The following ZBTB38 variants were observed in gnomAD, a reference collection of about 807,000 sequenced individuals.
ZBTB38 encodes zinc finger and BTB domain-containing protein 38.
In ZBTB38, 20 loss-of-function variants were observed where a neutral mutation model predicts 76.8. The observed-to-expected ratio is 0.26, with a 90% confidence interval of 0.18 to 0.38. The LOEUF is 0.38. ZBTB38 is among the 10% of genes least tolerant of loss of function. The pLI is 1.00. For synonymous variants in ZBTB38, 504 were observed against 544.2 expected, an observed-to-expected ratio of 0.93 and a Z score of 1.03; for missense variants, 1,082 against 1,482.3, an observed-to-expected ratio of 0.73 and a Z score of 4.43.
rs2080870679 is a variant in ZBTB38 at position 141,444,787 on chromosome 3, G to A, written c.2399G>A (p.Gly800Glu). ...TCAAACTATGTTGCTGATCCTGGAG[G>A]ATCACTGAGCAAAACCACAAATATT... ...EESNYVADPG[G>E]SLSKTTNIAE... The change falls in exon 6 of 6, where the codon GGA (glycine) becomes GAA (glutamate). Residue 800 changes from glycine to glutamate, a missense_variant. By Grantham distance (98) the Gly-to-Glu change is moderately conservative (BLOSUM62 -2). Coordinates refer to ENST00000321464, the MANE Select transcript of ZBTB38 (RefSeq NM_001376113.1). This position sits in a 1 kb window ranked among gnomAD's most constrained non-coding sequence, Gnocchi z 5.1. 6.2e-7 allele frequency: 1 copy of A among 1,614,122 alleles called. No individual in the cohort carries two copies. The highest frequency in any genetic ancestry group is 2.2e-5 in the East Asian group (1 of 44,886).
At chr3:141,403,148 G>A (rs995032384) in intron 4 of ZBTB38, 1 of 152,150 alleles carries the variant, frequency 6.6e-6, no homozygotes. Flanking sequence ...CCTGCACTGC[G>A]GTAGGTAAGT....
intron 2 of ZBTB38, among the ~76,000 whole-genome samples, chr3:141,379,254 C>A (rs1382120065): frequency 1.3e-5 from 2 of 152,176 alleles, no homozygotes; most frequent in Non-Finnish European, 2.9e-5. Flanking sequence ...AGGCCATGGG[C>A]ATTTAGGTCA....
chr3:141,327,218 GT>G (rs1420961464), intron 1 of ZBTB38, among the ~76,000 whole-genome samples: 1 of 152,162 alleles, frequency 6.6e-6, no homozygotes, highest in African/African-American at 2.4e-5. Flanking sequence ...CCTCAAGAAG[GT>G]GGGGCATAAC....
At chr3:141,351,657 T>C (rs1559917047) in intron 1 of ZBTB38, among the ~76,000 whole-genome samples, 1 of 147,960 alleles carries the variant, frequency 6.8e-6, no homozygotes, top group Non-Finnish European at 1.5e-5. Flanking sequence ...TACTTGAGCC[T>C]GGGAGTTAGC....
chr3:141,444,624 G>C lies in ZBTB38; in HGVS notation c.2236G>C (p.Asp746His). Residue 746 changes from aspartate (D) to histidine (H), a missense_variant, in exon 6 of 6, where the codon GAC becomes CAC. By Grantham distance (81) the Asp-to-His change is moderately conservative. Around this residue, in one of 8 missense-constraint regions of ZBTB38, gnomAD observed 471 missense variants for 581.0 expected, o/e 0.81. Transcript: ENST00000321464. The surrounding 1 kb of genome is among the most constrained non-coding windows in gnomAD (Gnocchi z 5.1). The part of the protein sequence containing the change: ...MTSSNHRAFS[D>H]PAVSQSLKDD... ...CAGCAGCAACCACAGAGCCTTTTCAGACCCAGCTGTCAGTCAGTCCCTGAA... is the reference window on the plus strand; with the variant it reads ...CAGCAGCAACCACAGAGCCTTTTCACACCCAGCTGTCAGTCAGTCCCTGAA... The C allele has an allele frequency of 6.2e-7, 1 of 1,614,158 alleles. No individual in the cohort carries two copies. Among genetic ancestry groups the C allele is most frequent in the Non-Finnish European group, 8.5e-7 (1 of 1,180,022 alleles).
At chr3:141,350,545 C>G (rs906407564) in intron 1 of ZBTB38, among the ~76,000 whole-genome samples, 6 of 152,188 alleles carry the variant, frequency 3.9e-5, no homozygotes, top group Non-Finnish European at 8.8e-5. Context: ...TCTGGGTCTT[C>G]ACTGGATTAA....
chr3:141,434,924 G>C (rs1298880788), intron 5 of ZBTB38, among the ~76,000 whole-genome samples: 1 of 151,982 alleles, frequency 6.6e-6, no homozygotes, highest in East Asian at 1.9e-4. Flanking sequence ...CTTGAGCCCA[G>C]GATTTGAGAC....
chr3:141,390,556 C>A (rs780092262), intron 4 of ZBTB38, among the ~76,000 whole-genome samples: 2 of 152,210 alleles, frequency 1.3e-5, no homozygotes, highest in Non-Finnish European at 2.9e-5. Context: ...CAGACTATGA[C>A]TTAGAGCCTC....
intron 4 of ZBTB38, chr3:141,390,051 G>A (rs553507904): frequency 9.2e-5 from 14 of 152,158 alleles, no homozygotes; most frequent in African/African-American, 2.2e-4. Context: ...TCGTACCATC[G>A]TCATTCTAAT....
Position 141,442,933 on chromosome 3 carries a change from C to T in ZBTB38, c.545C>T (p.Pro182Leu), listed in dbSNP as rs752372934. The T allele has an allele frequency of 1.3e-5, 21 of 1,614,078 alleles. No homozygotes were observed. In the East Asian group the frequency reaches 3.8e-4, roughly 29 times the overall value. The change falls in exon 6 of 6, where the codon CCG becomes CTG. Residue 182 changes from proline to leucine, a missense_variant. Transcript: ENST00000321464. The surrounding 1 kb of genome is among the most constrained non-coding windows in gnomAD (Gnocchi z 6.4). ...ETENSNNMFS[P>L]LDLRASFKKV... The stretch of plus-strand genomic sequence containing the variant: ...GAAAATAGTAATAACATGTTTTCCC[C>T]GCTGGACTTGAGGGCAAGTTTCAAA...
At chr3:141,426,134 C>A (rs1430664680) in intron 5 of ZBTB38, 10 of 1,289,244 alleles carry the variant, frequency 7.8e-6, no homozygotes, top group Non-Finnish European at 1.0e-5. Context: ...GACAGGCTGC[C>A]CAGAGGGGCT....
intron 1 of ZBTB38, 87 bp downstream of exon 1, chr3:141,368,891 CA>C (rs1410635315): frequency 6.7e-6 from 1 of 150,264 alleles, no homozygotes; most frequent in African/African-American, 2.4e-5. Flanking sequence ...TACAGCTTGC[CA>C]AGCCCCAGCC....
chr3:141,441,773 G>A (rs781570125), intron 5 of ZBTB38, among the ~76,000 whole-genome samples: 15 of 152,058 alleles, frequency 9.9e-5, no homozygotes, highest in African/African-American at 2.7e-4. Flanking sequence ...AAAATTAGCC[G>A]GGCGTGGTGG....
At chr3:141,399,866 T>C (rs1462654887) in intron 4 of ZBTB38, among the ~76,000 whole-genome samples, 5 of 151,754 alleles carry the variant, frequency 3.3e-5, no homozygotes, top group Non-Finnish European at 7.4e-5. Flanking sequence ...ATTAAATGAA[T>C]GAGGTAGGAA....
chr3:141,410,717 T>C (rs562124520), intron 5 of ZBTB38, among the ~76,000 whole-genome samples: 1 of 152,352 alleles, frequency 6.6e-6, no homozygotes, highest in East Asian at 1.9e-4. Flanking sequence ...ATTTTTGACC[T>C]GGGAGAGACA....
At chr3:141,396,623 C>T (rs1950402997) in intron 4 of ZBTB38, 2 of 174,386 alleles carry the variant, frequency 1.1e-5, no homozygotes, top group Non-Finnish European at 2.4e-5. Context: ...AGAGCAATCA[C>T]TGTCTATGGC....
intron 4 of ZBTB38, among the ~76,000 whole-genome samples, chr3:141,398,229 A>C (rs1950810824): frequency 6.6e-6 from 1 of 152,240 alleles, no homozygotes. Context: ...CCTATTGGCC[A>C]GATTCAGTCC....
rs373983965 is a variant in ZBTB38, at chr3:141,442,723, A to G, written c.335A>G (p.Lys112Arg). ...ETVTDLAAAG[K>R]KLGISFLEDL... Reference sequence around the variant, plus strand: ...GTCACTGATCTCGCAGCTGCAGGAAAAAAGCTGGGAATATCGTTCTTGGAA... The same window carrying G: ...GTCACTGATCTCGCAGCTGCAGGAAGAAAGCTGGGAATATCGTTCTTGGAA... Residue 112 changes from lysine to arginine, a missense_variant, in exon 6 of 6, where the codon AAA becomes AGA. Transcript: ENST00000321464. The surrounding 1 kb of genome is among the most constrained non-coding windows in gnomAD (Gnocchi z 6.4). The G allele has an allele frequency of 6.3e-5, 102 of 1,614,086 alleles. No individual in the cohort carries two copies. The highest frequency in any genetic ancestry group is 8.4e-5 in the Non-Finnish European group (99 of 1,180,042).
chr3:141,433,901 G>A (rs565961631), intron 5 of ZBTB38, among the ~76,000 whole-genome samples: 150 of 152,304 alleles, frequency 9.8e-4, no homozygotes, highest in Non-Finnish European at 1.8e-3. Context: ...TCCTAAAAGT[G>A]TGTTTTTATT....
Sources: allele counts gnomAD v4.1 joint callset (sites outside exome capture counted in the v4.1 genomes callset), GRCh38; gene constraint gnomAD v4.1.1; regional missense constraint gnomAD v4.1.1; non-coding constraint Gnocchi (gnomAD v3.1); transcripts MANE v1.5; gene names NCBI Gene and HGNC (gene_info 2026-07-23, HGNC 2026-07-21).